Variants in PMS1 observed in about 807,000 individuals in gnomAD.
PMS1 encodes the protein PMS1 protein homolog 1.
Under a neutral mutation model 93.1 loss-of-function variants are expected in PMS1, and 79 were observed. That is an observed-to-expected ratio of 0.85 (90% CI 0.71 to 1.02). The LOEUF (loss-of-function observed/expected upper bound fraction) is 1.02, where lower values mean the gene tolerates loss of function less well. Ranked by LOEUF, PMS1 falls within the 50% of genes least tolerant of loss-of-function variation. The probability of loss-of-function intolerance (pLI) is 0.00; values close to 1 mark genes in which losing one functional copy is unlikely to be tolerated. For synonymous variants in PMS1, 335 were observed against 363.4 expected, an observed-to-expected ratio of 0.92 and a Z score of 0.89; for missense variants, 1,064 against 1,085.3, an observed-to-expected ratio of 0.98 and a Z score of 0.28.
chr2:189,842,090 A>G (rs1461493423), intron 5 of PMS1, among the ~76,000 whole-genome samples: 1 of 150,476 alleles, frequency 6.6e-6, no homozygotes, highest in African/African-American at 2.4e-5. Context: ...CCTTTTTTTT[A>G]TATCCTCCCC....
intron 5 of PMS1, among the ~76,000 whole-genome samples, chr2:189,819,201 C>G (rs1559252779): frequency 6.6e-6 from 1 of 152,104 alleles, no homozygotes; most frequent in African/African-American, 2.4e-5. Flanking sequence ...ATCCTTGTTG[C>G]TGCAAAAGAT....
chr2:189,814,820 A>G (rs1237906523), intron 4 of PMS1, among the ~76,000 whole-genome samples: 1 of 152,164 alleles, frequency 6.6e-6, no homozygotes, highest in African/African-American at 2.4e-5. Context: ...ACTCTGGGCC[A>G]GGCGCTGTGG....
intron 4 of PMS1, among the ~76,000 whole-genome samples, chr2:189,813,382 TAAAAG>T (rs1004892610): frequency 1.1e-4 from 17 of 152,150 alleles, no homozygotes; most frequent in African/African-American, 4.1e-4. Flanking sequence ...CTATAAAACT[TAAAAG>T]AGTAGTGTAG....
Position 189,864,166 on chromosome 2 carries a change from A to G in PMS1, c.2280A>G (p.Arg760=). Residue 760 remains arginine (R), a synonymous_variant, in exon 10 of 13, where the codon AGA becomes AGG. Coordinates refer to ENST00000441310, the MANE Select transcript of PMS1 (RefSeq NM_000534.5). ...YRVEEALLFK[R]LLENHKLPAE... is the part of the protein sequence containing the mutation. ...TAGAAGAAGCCCTGCTATTTAAAAG[A>G]CTTCTTGAGAATCATAAACTTCCTG... 6.2e-7 allele frequency: 1 copy of G among 1,609,724 alleles called. No homozygotes were observed. The highest frequency in any genetic ancestry group is 8.5e-7 in the Non-Finnish European group (1 of 1,176,432).
intron 5 of PMS1, among the ~76,000 whole-genome samples, chr2:189,832,610 C>T (rs965055760): frequency 7.2e-5 from 11 of 152,044 alleles, no homozygotes; most frequent in African/African-American, 2.7e-4. Flanking sequence ...GGACTACAGG[C>T]GCGTGCCACC....
Position 189,854,725 on chromosome 2 carries a change from G to A in PMS1, c.1453G>A (p.Ala485Thr), listed in dbSNP as rs2055135522. Residue 485 changes from alanine to threonine, a missense_variant, in exon 9 of 13, where the codon GCA (alanine) becomes ACA (threonine). Physicochemically the swap from Ala to Thr is moderately conservative, Grantham distance 58. Coordinates refer to ENST00000441310, the MANE Select transcript of PMS1 (RefSeq NM_000534.5). ...TGAGAGTGGGGAAAATGAGGAAGAA[G>A]CAGGTCTTGAAAACTCTTCGGAAAT... ...IDESGENEEE[A>T]GLENSSEISA... is the part of the protein sequence containing the mutation. 6.2e-7 allele frequency: 1 copy of A among 1,613,904 alleles called. No individual in the cohort carries two copies. The highest frequency in any genetic ancestry group is 1.3e-5 in the African/African-American group (1 of 75,040).
At chr2:189,815,050 G>A (rs1326248137) in intron 4 of PMS1, among the ~76,000 whole-genome samples, 1 of 144,586 alleles carries the variant, frequency 6.9e-6, no homozygotes, top group Non-Finnish European at 1.5e-5. Flanking sequence ...AGTGAGCCGA[G>A]ATCATGCCAC....
chr2:189,836,029 G>T (rs2053357499), intron 5 of PMS1, among the ~76,000 whole-genome samples: 1 of 151,526 alleles, frequency 6.6e-6, no homozygotes, highest in Non-Finnish European at 1.5e-5. Context: ...TGCAGTCTAG[G>T]CCAATAATAT....
In PMS1 at chr2:189,853,499, GCTTTT is replaced by G. The variant is rs201322417; in HGVS notation, c.823-419_823-415del. Among the ~76,000 whole-genome samples the G allele has an allele frequency of 7.5e-3, 1,130 of 150,248 alleles. 11 individuals carry two copies. Among genetic ancestry groups the G allele is most frequent in the African/African-American group, 0.025 (1,004 of 40,374 alleles). The stretch of plus-strand genomic sequence containing the variant: ...CCTCCAAAGGAGTATTACAGATAAT[GCTTTT>G]CTTTTCTTTTCTTTTCTTTTTTTTT... On this transcript the variant is annotated intron_variant, in intron 7 of 12. Coordinates refer to ENST00000441310, the MANE Select transcript of PMS1 (RefSeq NM_000534.5).
At chr2:189,827,698 A>G (rs1439382603) in intron 5 of PMS1, among the ~76,000 whole-genome samples, 1 of 152,132 alleles carries the variant, frequency 6.6e-6, no homozygotes, top group Non-Finnish European at 1.5e-5. Flanking sequence ...TTGCAGCAAT[A>G]TGGATGATCT....
At chr2:189,800,266 C>G (rs1267469197) in intron 3 of PMS1, among the ~76,000 whole-genome samples, 1 of 152,106 alleles carries the variant, frequency 6.6e-6, no homozygotes, top group East Asian at 1.9e-4. Flanking sequence ...GTTATATTAC[C>G]TCTTTACTAG....
chr2:189,867,990 C>T, intron 11 of PMS1, 61 bp downstream of exon 11: 2 of 1,382,992 alleles, frequency 1.4e-6, no homozygotes, highest in East Asian at 2.3e-5. Context: ...CCAAGAGTTA[C>T]ATTTGGGTTT....
intron 1 of PMS1, among the ~76,000 whole-genome samples, chr2:189,787,065 AAAAG>A (rs1482816102): frequency 6.6e-6 from 1 of 152,190 alleles, no homozygotes; most frequent in Non-Finnish European, 1.5e-5. Context: ...TGTCTCAAAA[AAAAG>A]AAAGAGAAAG....
intron 11 of PMS1, 139 bp downstream of exon 11, chr2:189,868,068 T>C: frequency 1.3e-6 from 1 of 745,992 alleles, no homozygotes; most frequent in Non-Finnish European, 2.3e-6. Context: ...TGTTAAAACA[T>C]TTTTTTCAAA....
intron 1 of PMS1, among the ~76,000 whole-genome samples, chr2:189,789,733 C>A (rs2048672371): frequency 6.6e-6 from 1 of 152,094 alleles, no homozygotes; most frequent in Admixed American, 6.6e-5. Context: ...ACCTAGATTG[C>A]ATAGGATTAA....
chr2:189,866,990 A>G (rs1021920232), intron 10 of PMS1, among the ~76,000 whole-genome samples: 3 of 152,200 alleles, frequency 2.0e-5, no homozygotes, highest in Non-Finnish European at 4.4e-5. Flanking sequence ...TCTCTATAAT[A>G]TTAGCTCTCA....
intron 5 of PMS1, among the ~76,000 whole-genome samples, chr2:189,835,542 G>A (rs1394480812): frequency 6.6e-6 from 1 of 152,148 alleles, no homozygotes; most frequent in Non-Finnish European, 1.5e-5. Context: ...TGGAGTCAGA[G>A]TCAGTGCAAG....
rs746564566 is a variant in PMS1 at position 189,854,332 on chromosome 2, T to A, written c.1060T>A (p.Ser354Thr). The change falls in exon 9 of 13, where the codon TCC becomes ACC. Residue 354 changes from serine (S) to threonine (T), a missense_variant. Transcript: ENST00000441310. ...NSYENNKTDV[S>T]AADIVLSKTA... is the part of the protein sequence containing the mutation. ...TTATGAAAATAATAAAACAGATGTTTCCGCAGCTGACATCGTTCTTAGTAA... is the reference window on the plus strand; with the variant it reads ...TTATGAAAATAATAAAACAGATGTTACCGCAGCTGACATCGTTCTTAGTAA... 18 of 1,597,140 alleles carry A rather than the reference T, an allele frequency of 1.1e-5. No homozygotes were observed. The East Asian group carries it at 4.0e-4, about 36-fold the overall frequency.
chr2:189,872,286 C>T (rs1341275058), intron 11 of PMS1, among the ~76,000 whole-genome samples: 1 of 152,106 alleles, frequency 6.6e-6, no homozygotes, highest in Non-Finnish European at 1.5e-5. Context: ...CATCTGCCAA[C>T]CAGGTCAAGG....
Sources: gnomAD v4.1 joint callset for allele counts (sites outside exome capture counted in the v4.1 genomes callset) on GRCh38, gnomAD v4.1.1 for gene constraint, MANE v1.5 for transcripts, NCBI Gene and HGNC (gene_info 2026-07-23, HGNC 2026-07-21) for gene names.